TMEM163: variants seen among roughly 807,000 people sequenced by gnomAD.
TMEM163 encodes transmembrane protein 163.
Under a neutral mutation model 29.3 loss-of-function variants are expected in TMEM163, and 17 were observed. The ratio of observed to expected loss-of-function variants is 0.58; its 90% CI spans 0.40 to 0.87. The LOEUF (loss-of-function observed/expected upper bound fraction) is 0.87. TMEM163 is among the 40% of genes least tolerant of loss of function. The pLI is 0.00. For synonymous variants in TMEM163, 157 were observed against 160.6 expected (o/e 0.98, Z 0.17); for missense variants, 303 against 381.5 (o/e 0.79, Z 1.71).
intron 4 of TMEM163, among the ~76,000 whole-genome samples, chr2:134,544,237 G>C (rs2106504702): frequency 6.6e-6 from 1 of 152,256 alleles, no homozygotes; most frequent in South Asian, 2.1e-4. Flanking sequence ...GAGAATGGCA[G>C]GACAGACACG....
chr2:134,564,792 C>A (rs1035374765), intron 2 of TMEM163, among the ~76,000 whole-genome samples: 3 of 152,182 alleles, frequency 2.0e-5, no homozygotes, highest in African/African-American at 7.2e-5. Flanking sequence ...ACTAAAACCA[C>A]AGATGCCACT....
At chr2:134,562,267 G>A (rs1057449135) in intron 2 of TMEM163, among the ~76,000 whole-genome samples, 14 of 152,214 alleles carry the variant, frequency 9.2e-5, no homozygotes, top group Admixed American at 9.2e-4. Context: ...GTCAAGGGTT[G>A]TATCATATTT....
rs571366757 is a variant in TMEM163, at chr2:134,612,377, T to G, written c.323-60286A>C. Among the ~76,000 whole-genome samples the G allele has an allele frequency of 3.3e-5, 5 of 152,254 alleles. No individual in the cohort carries two copies. In the South Asian group the frequency reaches 8.3e-4, roughly 25 times the overall value. On this transcript the variant is annotated intron_variant, in intron 2 of 7. Transcript: ENST00000281924. ...CCTTTGGAAAGCTCTAAACTTTTTC[T>G]GGGAAGACAGAAGACTGCACACGTG...
intron 5 of TMEM163, among the ~76,000 whole-genome samples, chr2:134,495,616 T>C (rs2106484241): frequency 6.6e-6 from 1 of 152,306 alleles, no homozygotes; most frequent in East Asian, 1.9e-4. Flanking sequence ...TCCAAATCGT[T>C]ACACAAAACT....
At chr2:134,663,465 CTGTT>C (rs1683801547) in intron 2 of TMEM163, among the ~76,000 whole-genome samples, 1 of 152,218 alleles carries the variant, frequency 6.6e-6, no homozygotes, top group African/African-American at 2.4e-5. Flanking sequence ...CCCTGACTGA[CTGTT>C]TGGATGAGTA....
chr2:134,661,680 G>A (rs1683754261), intron 2 of TMEM163, among the ~76,000 whole-genome samples: 1 of 152,134 alleles, frequency 6.6e-6, no homozygotes, highest in African/African-American at 2.4e-5. Flanking sequence ...AAATTCTGCA[G>A]AATAAAGATC....
At chr2:134,684,397 T>C (rs1189037633) in intron 2 of TMEM163, among the ~76,000 whole-genome samples, 1 of 152,148 alleles carries the variant, frequency 6.6e-6, no homozygotes, top group Admixed American at 6.6e-5. Flanking sequence ...ATGGTAATTA[T>C]TAATAATTCT....
intron 2 of TMEM163, among the ~76,000 whole-genome samples, chr2:134,677,353 A>G (rs1304654619): frequency 6.6e-6 from 1 of 152,228 alleles, no homozygotes; most frequent in East Asian, 1.9e-4. Context: ...TATAAGAGAA[A>G]GACTACAGAA....
chr2:134,637,700 C>T (rs1162631890), intron 2 of TMEM163, among the ~76,000 whole-genome samples: 1 of 152,170 alleles, frequency 6.6e-6, no homozygotes, highest in Non-Finnish European at 1.5e-5. Context: ...CCACCACCAC[C>T]ACAACCACCA....
chr2:134,639,817 T>C (rs1683188052), intron 2 of TMEM163, among the ~76,000 whole-genome samples: 1 of 152,196 alleles, frequency 6.6e-6, no homozygotes, highest in African/African-American at 2.4e-5. Flanking sequence ...ATGCCCCATG[T>C]CTCCCAGGAA....
intron 2 of TMEM163, among the ~76,000 whole-genome samples, chr2:134,670,971 A>C (rs1294989846): frequency 1.3e-5 from 2 of 152,150 alleles, no homozygotes; most frequent in African/African-American, 4.8e-5. Context: ...GGGTCTTCAC[A>C]GGACTCTAGG....
At chr2:134,641,880 T>C (rs1683227886) in intron 2 of TMEM163, among the ~76,000 whole-genome samples, 2 of 152,010 alleles carry the variant, frequency 1.3e-5, no homozygotes, top group South Asian at 2.1e-4. Context: ...AAAAGCCAAA[T>C]GTAAAAAGAT....
At chr2:134,606,996 G>T (rs1221853893) in intron 2 of TMEM163, among the ~76,000 whole-genome samples, 16 of 146,298 alleles carry the variant, frequency 1.1e-4, no homozygotes, top group Non-Finnish European at 2.2e-4. Flanking sequence ...CCCGAGAACT[G>T]TGCTGGTGAA....
intron 4 of TMEM163, among the ~76,000 whole-genome samples, chr2:134,544,580 G>A (rs1393006924): frequency 6.6e-6 from 1 of 152,070 alleles, no homozygotes; most frequent in Non-Finnish European, 1.5e-5. Context: ...GATCACCTGG[G>A]GTCAAGAGTT....
chr2:134,490,322 A>C (rs1216244048), intron 5 of TMEM163, among the ~76,000 whole-genome samples: 1 of 152,146 alleles, frequency 6.6e-6, no homozygotes, highest in Non-Finnish European at 1.5e-5. Flanking sequence ...ACAGCACTTC[A>C]TGGCTCTTTC....
intron 3 of TMEM163, among the ~76,000 whole-genome samples, chr2:134,550,956 T>C (rs1405383403): frequency 6.6e-6 from 1 of 152,166 alleles, no homozygotes; most frequent in Non-Finnish European, 1.5e-5. Context: ...TGGAATTGGT[T>C]TCCCCATGAT....
rs540766886 is a variant in TMEM163, at chr2:134,528,817, G to A, written c.458+21753C>T. 3.3e-5 allele frequency among the ~76,000 whole-genome samples: 5 copies of A among 152,306 alleles called. No homozygotes were observed. The East Asian group carries it at 9.6e-4, about 29-fold the overall frequency. On this transcript the variant is annotated intron_variant, in intron 4 of 7. Transcript: ENST00000281924. ...TAAGGAAATAATCAGACACAAGATT[G>A]TATAAAGCCCTTCACTGCTATGTTA...
intron 4 of TMEM163, among the ~76,000 whole-genome samples, chr2:134,511,013 TG>T (rs1679933958): frequency 6.6e-6 from 1 of 152,192 alleles, no homozygotes; most frequent in African/African-American, 2.4e-5. Context: ...CACTGATTCT[TG>T]TGTTCCAGGG....
chr2:134,615,235 A>T (rs1053870455), intron 2 of TMEM163, among the ~76,000 whole-genome samples: 1 of 152,258 alleles, frequency 6.6e-6, no homozygotes, highest in Admixed American at 6.5e-5. Flanking sequence ...CATCAATTTG[A>T]AAAGAGCCCC....
Sources: allele counts gnomAD v4.1 joint callset (sites outside exome capture counted in the v4.1 genomes callset), GRCh38; gene constraint gnomAD v4.1.1; transcripts MANE v1.5; gene names NCBI Gene and HGNC (gene_info 2026-07-23, HGNC 2026-07-21).